The following SVEP1 variants were observed in gnomAD, a reference collection of about 807,000 sequenced individuals.
SVEP1 encodes the protein sushi, von Willebrand factor type A, EGF and pentraxin domain-containing protein 1.
SVEP1 carries 164 observed loss-of-function variants against 367.3 expected under a neutral mutation model. The ratio of observed to expected loss-of-function variants is 0.45; its 90% confidence interval spans 0.39 to 0.51. SVEP1 has a LOEUF of 0.51. Ranked by LOEUF, SVEP1 falls within the 20% of genes least tolerant of loss-of-function variation. The probability of loss-of-function intolerance (pLI) is 0.00; values close to 1 mark genes in which losing one functional copy is unlikely to be tolerated. For missense variants in SVEP1, 4,117 were observed against 4,425.3 expected, an observed-to-expected ratio of 0.93 and a Z score of 1.98; for synonymous variants, 1,666 against 1,611.6, an observed-to-expected ratio of 1.03 and a Z score of -0.81.
intron 44 of SVEP1, among the ~76,000 whole-genome samples, chr9:110,377,966 A>G (rs1404294659): frequency 2.6e-5 from 4 of 152,182 alleles, no homozygotes; most frequent in Admixed American, 6.5e-5. Context: ...GTCAGGCAGT[A>G]TATGTCATTC....
At chr9:110,477,230 T>C (rs187346075) in intron 13 of SVEP1, among the ~76,000 whole-genome samples, 1 of 152,290 alleles carries the variant, frequency 6.6e-6, no homozygotes, top group Non-Finnish European at 1.5e-5. Context: ...TTCATCAGAA[T>C]GTATAATCCA....
Position 110,411,127 on chromosome 9 carries a change from G to A in SVEP1, c.6584C>T (p.Pro2195Leu). The part of the protein sequence containing the change: ...TCEATGQWSS[P>L]IPTCHPVSCG... ...AGATACCGGGTGGCACGTCGGTATA[G>A]GACTACTCCACTGCCCTGTGGCTTC... Residue 2195 changes from proline (P) to leucine (L), a missense_variant, in exon 37 of 48, where the codon CCT (proline) becomes CTT (leucine). This residue lies in a region of SVEP1 where 1,765 missense variants were observed against 1,781.1 expected (regional missense o/e 0.99). Transcript: ENST00000374469. The A allele has an allele frequency of 1.2e-6, 2 of 1,613,628 alleles. No individual in the cohort carries two copies. Among genetic ancestry groups the A allele is most frequent in the Non-Finnish European group, 1.7e-6 (2 of 1,179,742 alleles).
At chr9:110,522,823 A>G (rs1398421078) in intron 3 of SVEP1, among the ~76,000 whole-genome samples, 3 of 152,126 alleles carry the variant, frequency 2.0e-5, no homozygotes, top group Non-Finnish European at 4.4e-5. Flanking sequence ...ATTAGTCTGT[A>G]GTCGTTTGGA....
At chr9:110,491,338 T>A (rs1250509432) in intron 8 of SVEP1, among the ~76,000 whole-genome samples, 1 of 152,002 alleles carries the variant, frequency 6.6e-6, no homozygotes, top group Non-Finnish European at 1.5e-5. Flanking sequence ...TTTTGCTTTT[T>A]AAATTTTTTC....
intron 3 of SVEP1, among the ~76,000 whole-genome samples, chr9:110,526,532 A>C (rs1564167673): frequency 6.6e-6 from 1 of 152,146 alleles, no homozygotes; most frequent in South Asian, 2.1e-4. Flanking sequence ...GACGACACCA[A>C]GTGCTATCAA....
At chr9:110,428,740 G>C (rs1828300381) in intron 35 of SVEP1, among the ~76,000 whole-genome samples, 1 of 150,816 alleles carries the variant, frequency 6.6e-6, no homozygotes, top group South Asian at 2.1e-4. Flanking sequence ...TTATAAATTT[G>C]TTTTTAGAGT....
intron 3 of SVEP1, among the ~76,000 whole-genome samples, chr9:110,515,274 AG>A (rs1829784731): frequency 6.6e-6 from 1 of 151,942 alleles, no homozygotes. Context: ...GTTGCAACCA[AG>A]CAATGTGCAT....
chr9:110,439,218 G>A (rs1828476369), intron 27 of SVEP1, among the ~76,000 whole-genome samples: 1 of 152,038 alleles, frequency 6.6e-6, no homozygotes, highest in Non-Finnish European at 1.5e-5. Context: ...ACAAATGCCT[G>A]CATAAGAAGA....
chr9:110,403,304 T>G (rs1429949019), intron 39 of SVEP1, among the ~76,000 whole-genome samples: 1 of 127,694 alleles, frequency 7.8e-6, no homozygotes, highest in Non-Finnish European at 1.6e-5. Context: ...CCGTTTTTTT[T>G]TTTTTTTTTT....
chr9:110,553,855 G>C (rs1168087206), intron 1 of SVEP1, among the ~76,000 whole-genome samples: 2 of 152,090 alleles, frequency 1.3e-5, no homozygotes, highest in African/African-American at 4.8e-5. Context: ...AAAAACCTTG[G>C]AATCATCCTT....
intron 8 of SVEP1, among the ~76,000 whole-genome samples, chr9:110,490,459 C>T (rs58331748): frequency 0.028 from 4,284 of 152,190 alleles, 190 homozygotes; most frequent in African/African-American, 0.098. Flanking sequence ...TTCCTACCCA[C>T]TAATTCTCTT....
At chr9:110,551,298 T>C (rs564918050) in intron 1 of SVEP1, among the ~76,000 whole-genome samples, 30 of 152,360 alleles carry the variant, frequency 2.0e-4, no homozygotes, top group African/African-American at 7.0e-4. Flanking sequence ...ATGAGATTCA[T>C]GTCCGTAGAA....
At position 110,476,292 on chromosome 9, in the gene SVEP1, T is replaced by C. The variant is rs1829095571; in HGVS notation, c.2511A>G (p.Ala837=). The part of the protein sequence containing the change: ...GKMVPSFCSD[A]EDIDCRLEEN... ...CCTCCAGTCTGCAGTCAATGTCCTC[T>C]GCATCACTACAAAATGATGGGACCT... is the stretch of plus-strand genomic sequence containing the variant. Residue 837 remains alanine (A), a synonymous_variant, in exon 14 of 48, where the codon GCA becomes GCG. Transcript: ENST00000374469. 4 of 1,613,334 alleles carry C rather than the reference T, an allele frequency of 2.5e-6. No homozygotes were observed. The highest frequency in any genetic ancestry group is 1.3e-5 in the African/African-American group (1 of 74,910).
chr9:110,495,618 G>A (rs1229260718), intron 8 of SVEP1, among the ~76,000 whole-genome samples: 9 of 127,896 alleles, frequency 7.0e-5, no homozygotes, highest in Non-Finnish European at 1.3e-4. Flanking sequence ...CATCCCCCCC[G>A]CCGCCCCCAG....
chr9:110,404,239 C>A, intron 39 of SVEP1, 88 bp downstream of exon 39: 1 of 1,279,948 alleles, frequency 7.8e-7, no homozygotes, highest in Non-Finnish European at 1.1e-6. Flanking sequence ...ACTTTTTTTT[C>A]TTTTTGGGAT....
intron 37 of SVEP1, among the ~76,000 whole-genome samples, chr9:110,409,672 G>C (rs895746827): frequency 6.6e-6 from 1 of 152,028 alleles, no homozygotes; most frequent in Non-Finnish European, 1.5e-5. Flanking sequence ...ATCATAAATA[G>C]TCAAATAAAA....
In SVEP1 at chr9:110,407,281, A is replaced by C. The variant is rs1404168257; in HGVS notation, c.8319T>G (p.Ile2773Met). ...WSGASPRCEA[I>M]SCKKPNPVMN... The stretch of plus-strand genomic sequence containing the variant: ...TGACTGGATTTGGCTTTTTGCATGA[A>C]ATGGCTTCACAGCGTGGGGAGGCAC... The change falls in exon 38 of 48, where the codon ATT becomes ATG. Residue 2773 changes from isoleucine (I) to methionine (M), a missense_variant. Physicochemically the swap from Ile to Met is conservative, Grantham distance 10 (BLOSUM62 1). Around this residue, in one of 4 missense-constraint regions of SVEP1, gnomAD observed 1,765 missense variants for 1,781.1 expected, o/e 0.99. Coordinates refer to ENST00000374469, the MANE Select transcript of SVEP1 (RefSeq NM_153366.4). 6.2e-7 allele frequency: 1 copy of C among 1,613,954 alleles called. No homozygotes were observed. The highest frequency in any genetic ancestry group is 1.1e-5 in the South Asian group (1 of 91,084).
chr9:110,436,830 C>T (rs573161335), intron 27 of SVEP1, among the ~76,000 whole-genome samples: 36 of 152,270 alleles, frequency 2.4e-4, no homozygotes, highest in Non-Finnish European at 4.3e-4. Flanking sequence ...AAATCACCCT[C>T]CATGGAAGTG....
intron 38 of SVEP1, 108 bp downstream of exon 38, chr9:110,406,052 C>T: frequency 7.4e-7 from 1 of 1,355,480 alleles, no homozygotes. Flanking sequence ...GTTTGGAGAG[C>T]AGTTCAGAGA....
Sources: allele counts gnomAD v4.1 joint callset (sites outside exome capture counted in the v4.1 genomes callset), GRCh38; gene constraint gnomAD v4.1.1; regional missense constraint gnomAD v4.1.1; transcripts MANE v1.5; gene names NCBI Gene and HGNC (gene_info 2026-07-23, HGNC 2026-07-21).